Variants in CEP112 observed in about 807,000 individuals in gnomAD.
The protein encoded by CEP112 is centrosomal protein of 112 kDa.
A neutral mutation model predicts 153.0 loss-of-function variants in CEP112; 127 were observed. The ratio of observed to expected loss-of-function variants is 0.83; its 90% CI spans 0.72 to 0.96. The LOEUF is 0.96. CEP112 is among the 40% of genes least tolerant of loss of function. CEP112 has a pLI of 0.00. For synonymous variants in CEP112, 358 were observed against 374.4 expected (o/e 0.96, Z 0.51); for missense variants, 1,089 against 1,101.2 (o/e 0.99, Z 0.16).
At chr17:65,800,906 T>C (rs981123977) in intron 21 of CEP112, among the ~76,000 whole-genome samples, 5 of 152,166 alleles carry the variant, frequency 3.3e-5, no homozygotes, top group Non-Finnish European at 7.4e-5. Context: ...TGGTCATTTG[T>C]ATACATTCTT....
At chr17:66,022,215 C>T (rs935658614) in intron 16 of CEP112, among the ~76,000 whole-genome samples, 8 of 152,240 alleles carry the variant, frequency 5.3e-5, no homozygotes, top group Non-Finnish European at 1.0e-4. Context: ...AACAGCTCTA[C>T]CCAACATACT....
At chr17:66,050,546 G>C (rs911690783) in intron 12 of CEP112, among the ~76,000 whole-genome samples, 7 of 152,140 alleles carry the variant, frequency 4.6e-5, no homozygotes, top group African/African-American at 1.7e-4. Flanking sequence ...AAGATATAAA[G>C]ATTTGGTCAT....
chr17:65,716,794 T>C (rs2049550331), intron 23 of CEP112, among the ~76,000 whole-genome samples: 1 of 151,608 alleles, frequency 6.6e-6, no homozygotes, highest in South Asian at 2.1e-4. Flanking sequence ...ACCAGGAGAC[T>C]ATGAGGAAAA....
intron 21 of CEP112, among the ~76,000 whole-genome samples, chr17:65,773,269 GCCTTCATTTTCGTTT>G (rs2053486831): frequency 2.7e-5 from 4 of 148,786 alleles, no homozygotes. Flanking sequence ...TCTACCCCCT[GCCTTCATTTTCGTTT>G]CCTTATTAGT....
intron 12 of CEP112, among the ~76,000 whole-genome samples, chr17:66,051,696 C>A (rs1433781463): frequency 6.6e-6 from 1 of 152,174 alleles, no homozygotes; most frequent in Non-Finnish European, 1.5e-5. Flanking sequence ...TGCGTAACAA[C>A]TCTTGTTTAA....
At chr17:65,919,603 G>A (rs1233021176) in intron 19 of CEP112, among the ~76,000 whole-genome samples, 1 of 152,132 alleles carries the variant, frequency 6.6e-6, no homozygotes, top group Admixed American at 6.5e-5. Context: ...AAGTCGGTCT[G>A]TCAAGAGGGG....
At chr17:65,709,616 AT>A (rs1311375689) in intron 23 of CEP112, among the ~76,000 whole-genome samples, 1 of 152,218 alleles carries the variant, frequency 6.6e-6, no homozygotes, top group Non-Finnish European at 1.5e-5. Flanking sequence ...TCAAGATGAG[AT>A]TTGGGCAGGG....
rs75866039 is a variant in CEP112, at chr17:65,687,543, T to C, written c.2697+1586A>G. ...TTGGGTGTATTACATAGACATTATA[T>C]AAAACGTATATGTATATATGTATAT... On this transcript the variant is annotated intron_variant, in intron 24 of 26. Transcript: ENST00000535342. 6.7e-3 allele frequency among the ~76,000 whole-genome samples: 1,026 copies of C among 152,302 alleles called. 13 individuals carry two copies. The highest frequency in any genetic ancestry group is 0.023 in the African/African-American group (973 of 41,558).
intron 9 of CEP112, among the ~76,000 whole-genome samples, chr17:66,069,408 C>A (rs1380429673): frequency 6.6e-6 from 1 of 151,962 alleles, no homozygotes; most frequent in African/African-American, 2.4e-5. Flanking sequence ...AAAATACAGG[C>A]TGAAAGATTA....
At chr17:65,740,661 A>T (rs535794707) in intron 23 of CEP112, among the ~76,000 whole-genome samples, 7 of 152,248 alleles carry the variant, frequency 4.6e-5, no homozygotes, top group African/African-American at 1.4e-4. Flanking sequence ...TTCATCATCA[A>T]CCCAGAAGTG....
intron 24 of CEP112, chr17:65,688,413 C>A (rs551378658): frequency 6.6e-6 from 1 of 152,218 alleles, no homozygotes; most frequent in Non-Finnish European, 1.5e-5. Context: ...ATACTCAGTT[C>A]TTTAGCCAGG....
chr17:65,985,146 T>C (rs906875530), intron 17 of CEP112, among the ~76,000 whole-genome samples: 3 of 151,802 alleles, frequency 2.0e-5, no homozygotes, highest in Admixed American at 1.3e-4. Flanking sequence ...GTTGAAGGGG[T>C]TGGAGTGAGA....
intron 19 of CEP112, among the ~76,000 whole-genome samples, chr17:65,922,458 G>A (rs1270794490): frequency 1.3e-5 from 2 of 151,402 alleles, no homozygotes; most frequent in African/African-American, 4.9e-5. Context: ...TTTCCTTGGC[G>A]TTTTTTTCTT....
chr17:65,886,676 G>A (rs2059289017), intron 20 of CEP112, among the ~76,000 whole-genome samples: 1 of 152,132 alleles, frequency 6.6e-6, no homozygotes, highest in Non-Finnish European at 1.5e-5. Flanking sequence ...TTCACATGTG[G>A]TAGTTAAAAT....
At chr17:65,809,982 G>A (rs2055849335) in intron 21 of CEP112, among the ~76,000 whole-genome samples, 1 of 152,184 alleles carries the variant, frequency 6.6e-6, no homozygotes, top group African/African-American at 2.4e-5. Context: ...CAGAGAAGGA[G>A]TGATCAATGG....
At chr17:65,837,690 T>C (rs1200164909) in intron 21 of CEP112, among the ~76,000 whole-genome samples, 1 of 152,244 alleles carries the variant, frequency 6.6e-6, no homozygotes, top group Non-Finnish European at 1.5e-5. Context: ...AGATTGTTAC[T>C]GTGTCTGTGT....
chr17:65,694,288 T>C (rs1034233391), intron 23 of CEP112, among the ~76,000 whole-genome samples: 6 of 152,026 alleles, frequency 3.9e-5, no homozygotes, highest in Non-Finnish European at 8.8e-5. Flanking sequence ...CAGGAGGCAA[T>C]TGAGGAGAAG....
intron 20 of CEP112, among the ~76,000 whole-genome samples, chr17:65,871,321 G>T (rs968804799): frequency 1.4e-4 from 21 of 152,114 alleles, no homozygotes; most frequent in African/African-American, 5.1e-4. Context: ...GGTGCACTGT[G>T]TTCACTCTGT....
chr17:65,832,986 CA>C (rs2057150037), intron 21 of CEP112, among the ~76,000 whole-genome samples: 1 of 152,138 alleles, frequency 6.6e-6, no homozygotes, highest in Non-Finnish European at 1.5e-5. Context: ...AATCCAGCAG[CA>C]CATCAAAAAG....
Sources: gnomAD v4.1 joint callset for allele counts (sites outside exome capture counted in the v4.1 genomes callset) on GRCh38, gnomAD v4.1.1 for gene constraint, MANE v1.5 for transcripts, NCBI Gene and HGNC (gene_info 2026-07-23, HGNC 2026-07-21) for gene names.